CELSR1: variants seen among roughly 807,000 people sequenced by gnomAD.
CELSR1 encodes the protein adhesion G protein-coupled receptor C1.
In CELSR1, 110 loss-of-function variants were observed where a neutral mutation model predicts 249.1. That is an observed-to-expected ratio of 0.44 (90% CI 0.38 to 0.52). The LOEUF is 0.52. Among genes scored for constraint, CELSR1 ranks in the 20% least tolerant of loss-of-function variants. The pLI is 0.00. For missense variants in CELSR1, 4,109 were observed against 4,296.4 expected, an observed-to-expected ratio of 0.96 and a Z score of 1.22; for synonymous variants, 2,113 against 1,900.0, an observed-to-expected ratio of 1.11 and a Z score of -2.92.
At position 46,380,751 on chromosome 22, in the gene CELSR1, C is replaced by T; in HGVS notation, c.7256+37G>A. On this transcript the variant is annotated intron_variant, in intron 22 of 34. Coordinates refer to ENST00000674500, the MANE Select transcript of CELSR1 (RefSeq NM_001378328.1). The surrounding 1 kb of genome is among the most constrained non-coding windows in gnomAD (Gnocchi z 5.1). ...ACCCTGCGGGGGCACTCTGCCTTGGCAAAGCCCTCACATGGGGCTCCTGGC... is the reference window on the plus strand; with the variant it reads ...ACCCTGCGGGGGCACTCTGCCTTGGTAAAGCCCTCACATGGGGCTCCTGGC... 1 of 1,601,720 alleles carries T rather than the reference C, an allele frequency of 6.2e-7. No individual in the cohort carries two copies. The highest frequency in any genetic ancestry group is 8.5e-7 in the Non-Finnish European group (1 of 1,173,424).
In CELSR1 at chr22:46,367,204, C is replaced by T. The variant is rs2078795422; in HGVS notation, c.8080-86G>A. On this transcript the variant is annotated intron_variant, in intron 28 of 34. Transcript: ENST00000674500. ...CGCCCCAGCACAGATGCGCATACAG[C>T]CTTGAGTGCACACAACATGTCCGGC... The T allele has an allele frequency of 6.0e-6, 9 of 1,497,922 alleles. No homozygotes were observed. The South Asian group carries it at 8.8e-5, about 15-fold the overall frequency. The allele number at this position is 1,497,922 out of a possible 1,614,324, so 92.8% of individuals were successfully genotyped here.
Position 46,395,173 on chromosome 22 carries a change from G to A in CELSR1, c.5844-911C>T, listed in dbSNP as rs2079134622. On this transcript the variant is annotated intron_variant, in intron 13 of 34. Coordinates refer to ENST00000674500, the MANE Select transcript of CELSR1 (RefSeq NM_001378328.1). The surrounding 1 kb of genome is among the most constrained non-coding windows in gnomAD (Gnocchi z 5.5). Reference sequence around the variant, plus strand: ...GTCTGGCGTTTATGGATGTGTGTGTGCAGCGTGGGGGCCCCAGAACCTTCA... The same window carrying A: ...GTCTGGCGTTTATGGATGTGTGTGTACAGCGTGGGGGCCCCAGAACCTTCA... Among the ~76,000 whole-genome samples the A allele has an allele frequency of 6.7e-6, 1 of 149,882 alleles. No individual in the cohort carries two copies. The highest frequency in any genetic ancestry group is 2.1e-4 in the South Asian group (1 of 4,780).
chr22:46,417,260 G>A lies in CELSR1; in HGVS notation c.4612-5501C>T, dbSNP rs2079413666. Among the ~76,000 whole-genome samples, 3 of 152,210 alleles carry A rather than the reference G, an allele frequency of 2.0e-5. No individual in the cohort carries two copies. Among genetic ancestry groups the A allele is most frequent in the African/African-American group, 7.2e-5 (3 of 41,450 alleles). On this transcript the variant is annotated intron_variant, in intron 5 of 34. Transcript: ENST00000674500. The surrounding 1 kb of genome is among the most constrained non-coding windows in gnomAD (Gnocchi z 4.1). ...TCGGAGGCAGCCACTGCAGTTCTCC[G>A]AAGCTGCTTGGGAAAGTGGTGGGAA...
chr22:46,476,771 G>T (rs897214827), intron 1 of CELSR1, among the ~76,000 whole-genome samples: 1 of 151,976 alleles, frequency 6.6e-6, no homozygotes, highest in Non-Finnish European at 1.5e-5. Flanking sequence ...AAGCGCAAGG[G>T]GCAAGAGGGA....
intron 1 of CELSR1, among the ~76,000 whole-genome samples, chr22:46,532,784 C>T (rs1440441147): frequency 6.6e-6 from 1 of 152,184 alleles, no homozygotes; most frequent in Non-Finnish European, 1.5e-5. Context: ...TCTTCTCTCT[C>T]TTCTGTGTCT....
chr22:46,459,629 C>T (rs79321009), intron 2 of CELSR1, among the ~76,000 whole-genome samples: 180 of 152,314 alleles, frequency 1.2e-3, no homozygotes, highest in Non-Finnish European at 2.3e-3. Flanking sequence ...TGCCGTGGGG[C>T]GGCCCTGTGC....
At position 46,423,590 on chromosome 22, in the gene CELSR1, A is replaced by C. The variant is rs1473699705; in HGVS notation, c.4611+9803T>G. Reference sequence around the variant, plus strand: ...TTTACACTCCAGCCTGGGCAACAGGAGCGAAACTTCGTCTCAGAAAAAAAA... The same window carrying C: ...TTTACACTCCAGCCTGGGCAACAGGCGCGAAACTTCGTCTCAGAAAAAAAA... On this transcript the variant is annotated intron_variant, in intron 5 of 34. Transcript: ENST00000674500. The surrounding 1 kb of genome is among the most constrained non-coding windows in gnomAD (Gnocchi z 5.6). 2.8e-5 allele frequency among the ~76,000 whole-genome samples: 4 copies of C among 141,268 alleles called. No individual in the cohort carries two copies. Among genetic ancestry groups the C allele is most frequent in the South Asian group, 2.3e-4 (1 of 4,264 alleles). 92.7% of individuals were successfully genotyped at this position (141,268 alleles called of 152,430 possible).
intron 2 of CELSR1, among the ~76,000 whole-genome samples, chr22:46,462,044 C>T (rs917814799): frequency 4.6e-5 from 7 of 152,398 alleles, no homozygotes; most frequent in Admixed American, 6.5e-5. Context: ...TACCTGGAGT[C>T]GTCCCCACCC....
rs752742697 is a variant in CELSR1, at chr22:46,533,971, C to T, written c.3200G>A (p.Arg1067Gln). Reference sequence around the variant, plus strand: ...CTGCACCACCAGCACATACTCCCGCCGGACCTCAAAGTCCAGCTCCACCAT... The same window carrying T: ...CTGCACCACCAGCACATACTCCCGCTGGACCTCAAAGTCCAGCTCCACCAT... Reference protein sequence around the residue: ...RAMVELDFEVRREYVLVVQAT... With the variant: ...RAMVELDFEVQREYVLVVQAT... Residue 1067 changes from arginine to glutamine, a missense_variant, in exon 1 of 35, where the codon CGG (arginine) becomes CAG (glutamine). By Grantham distance (43) the Arg-to-Gln change is conservative. Coordinates refer to ENST00000674500, the MANE Select transcript of CELSR1 (RefSeq NM_001378328.1). 16 of 1,613,394 alleles carry T rather than the reference C, an allele frequency of 9.9e-6. No homozygotes were observed. Among genetic ancestry groups the T allele is most frequent in the African/African-American group, 5.3e-5 (4 of 74,936 alleles).
intron 1 of CELSR1, among the ~76,000 whole-genome samples, chr22:46,492,821 G>A (rs1372959532): frequency 6.6e-6 from 1 of 152,122 alleles, no homozygotes; most frequent in African/African-American, 2.4e-5. Flanking sequence ...TCATGCCACT[G>A]CACTCCAGTT....
rs1447782674 is a variant in CELSR1 at position 46,398,123 on chromosome 22, T to C, written c.5527-275A>G. ...GAGTGGATGTCCCTGCCGAGGGGGC[T>C]GAGAGCTGAACGACTCAGAGCAGCT... is the stretch of plus-strand genomic sequence containing the variant. On this transcript the variant is annotated intron_variant, in intron 11 of 34. Coordinates refer to ENST00000674500, the MANE Select transcript of CELSR1 (RefSeq NM_001378328.1). The surrounding 1 kb of genome is among the most constrained non-coding windows in gnomAD (Gnocchi z 7.2). Among the ~76,000 whole-genome samples, 6 of 151,890 alleles carry C rather than the reference T, an allele frequency of 4.0e-5. No homozygotes were observed. The highest frequency in any genetic ancestry group is 1.5e-4 in the African/African-American group (6 of 41,328).
chr22:46,506,562 C>G lies in CELSR1; in HGVS notation c.3544+27065G>C, dbSNP rs141584015. Among the ~76,000 whole-genome samples, 67 of 152,366 alleles carry G rather than the reference C, an allele frequency of 4.4e-4. 1 individual carries two copies. The East Asian group carries it at 0.013, about 28-fold the overall frequency. On this transcript the variant is annotated intron_variant, in intron 1 of 34. Transcript: ENST00000674500. This position sits in a 1 kb window ranked among gnomAD's most constrained non-coding sequence, Gnocchi z 4.1. The stretch of plus-strand genomic sequence containing the variant: ...CCCCAAGTCTCACAAGTCCAGAGAG[C>G]TGTCTCACCTCCTGGAATTCTCACC...
At position 46,537,161 on chromosome 22, in the gene CELSR1, G is replaced by A. The variant is rs1024351601; in HGVS notation, c.10C>T (p.Pro4Ser). The A allele has an allele frequency of 2.0e-6, 2 of 1,024,344 alleles. No homozygotes were observed. The highest frequency in any genetic ancestry group is 2.3e-6 in the Non-Finnish European group (2 of 857,454). 63.5% of individuals were successfully genotyped at this position (1,024,344 alleles called of 1,614,324 possible). The change falls in exon 1 of 35, where the codon CCG becomes TCG. Residue 4 changes from proline to serine, a missense_variant. Transcript: ENST00000674500. This position sits in a 1 kb window ranked among gnomAD's most constrained non-coding sequence, Gnocchi z 5.8. ...AGCACGGGCAGCACGGGCGGCGGCG[G>A]CGGCGCCATGGCCCGGAGCCCGAGC... Reference protein sequence around the residue: MAPPPPPVLPVLLL... With the variant: MAPSPPPVLPVLLL...
At chr22:46,397,908 G>T in intron 11 of CELSR1, 60 bp from the exon 12 acceptor site, 1 of 1,353,338 alleles carries the variant, frequency 7.4e-7, no homozygotes, top group Non-Finnish European at 9.8e-7. Context: ...AGGGGTTAAG[G>T]GAACCCTGAG....
chr22:46,453,771 C>T (rs919134849), intron 2 of CELSR1, among the ~76,000 whole-genome samples: 4 of 152,146 alleles, frequency 2.6e-5, no homozygotes, highest in South Asian at 2.1e-4. Flanking sequence ...AGATCGTGGC[C>T]GGTTATAAAC....
At position 46,380,727 on chromosome 22, in the gene CELSR1, C is replaced by T; in HGVS notation, c.7256+61G>A. 6.3e-7 allele frequency: 1 copy of T among 1,576,898 alleles called. No individual in the cohort carries two copies. The highest frequency in any genetic ancestry group is 8.6e-7 in the Non-Finnish European group (1 of 1,158,566). Reference sequence around the variant, plus strand: ...GGGCGCTCTGCCACTGAGCCCCCGACCCTGCGGGGGCACTCTGCCTTGGCA... The same window carrying T: ...GGGCGCTCTGCCACTGAGCCCCCGATCCTGCGGGGGCACTCTGCCTTGGCA... On this transcript the variant is annotated intron_variant, in intron 22 of 34. Transcript: ENST00000674500. The surrounding 1 kb of genome is among the most constrained non-coding windows in gnomAD (Gnocchi z 5.1).
chr22:46,534,739 A>T lies in CELSR1; in HGVS notation c.2432T>A (p.Leu811His), dbSNP rs1449565197. The T allele has an allele frequency of 6.2e-7, 1 of 1,613,160 alleles. No individual in the cohort carries two copies. The highest frequency in any genetic ancestry group is 1.1e-5 in the South Asian group (1 of 91,086). ...DRPVGTSIAT[L>H]SANDEDTGEN... Reference sequence around the variant, plus strand: ...TCCTGTGTCCTCATCGTTGGCACTGAGGGTAGCAATGGAGGTGCCCACAGG... The same window carrying T: ...TCCTGTGTCCTCATCGTTGGCACTGTGGGTAGCAATGGAGGTGCCCACAGG... Residue 811 changes from leucine (L) to histidine (H), a missense_variant, in exon 1 of 35, where the codon CTC becomes CAC. Physicochemically the swap from Leu to His is moderately conservative, Grantham distance 99. Around this residue, in one of 7 missense-constraint regions of CELSR1, gnomAD observed 886 missense variants for 896.5 expected, o/e 0.99. Coordinates refer to ENST00000674500, the MANE Select transcript of CELSR1 (RefSeq NM_001378328.1). The surrounding 1 kb of genome is among the most constrained non-coding windows in gnomAD (Gnocchi z 9.7).
intron 1 of CELSR1, among the ~76,000 whole-genome samples, chr22:46,523,867 A>C (rs1417263458): frequency 6.6e-6 from 1 of 152,080 alleles, no homozygotes; most frequent in Non-Finnish European, 1.5e-5. Context: ...AAGAGACCCC[A>C]CAAGGACCCA....
chr22:46,451,473 C>T lies in CELSR1; in HGVS notation c.4184-12062G>A, dbSNP rs116887453. ...TGATCCACTGCTTTGCTGTTTCTTACGGGAGTCACCTACACGCTGAGGGCT... is the reference window on the plus strand; with the variant it reads ...TGATCCACTGCTTTGCTGTTTCTTATGGGAGTCACCTACACGCTGAGGGCT... On this transcript the variant is annotated intron_variant, in intron 2 of 34. Coordinates refer to ENST00000674500, the MANE Select transcript of CELSR1 (RefSeq NM_001378328.1). 2.7e-3 allele frequency among the ~76,000 whole-genome samples: 411 copies of T among 152,330 alleles called. 2 individuals carry two copies. Among genetic ancestry groups the T allele is most frequent in the Non-Finnish European group, 4.3e-3 (294 of 68,032 alleles).
Sources: gnomAD v4.1 joint callset for allele counts (sites outside exome capture counted in the v4.1 genomes callset) on GRCh38, gnomAD v4.1.1 for gene constraint, gnomAD v4.1.1 regional missense constraint, Gnocchi (gnomAD v3.1) non-coding constraint, MANE v1.5 for transcripts, NCBI Gene and HGNC (gene_info 2026-07-23, HGNC 2026-07-21) for gene names.